Variants in HMSD observed in about 807,000 individuals in gnomAD.
The protein encoded by HMSD is serpin-like protein HMSD.
A neutral mutation model predicts 10.0 loss-of-function variants in HMSD; 13 were observed. The ratio of observed to expected loss-of-function variants is 1.31; its 90% CI spans 0.85 to 2.08. HMSD has a LOEUF of 2.08. Among genes scored for constraint, HMSD ranks in the 30% most tolerant of loss-of-function variants. HMSD has a pLI of 0.00. For missense variants in HMSD, 169 were observed against 166.3 expected (o/e 1.02, Z -0.09); for synonymous variants, 51 against 54.2 (o/e 0.94, Z 0.26).
Position 63,954,576 on chromosome 18 carries a change from T to C in HMSD, c.222+19T>C, listed in dbSNP as rs1418339403. On this transcript the variant is annotated intron_variant, in intron 3 of 3. Coordinates refer to ENST00000408945, the MANE Select transcript of HMSD (RefSeq NM_001123366.2). ...CCTCACAGTAAGTCATACTTGTTTA[T>C]TAGGAAAATAAAGATAGCAATGTGG... The C allele has an allele frequency of 6.3e-7, 1 of 1,597,844 alleles. No homozygotes were observed. Among genetic ancestry groups the C allele is most frequent in the Non-Finnish European group, 8.6e-7 (1 of 1,168,950 alleles).
At position 63,960,917 on chromosome 18, in the gene HMSD, A is replaced by G. The variant is rs2050382910; in HGVS notation, c.*562A>G. The stretch of plus-strand genomic sequence containing the variant: ...TGGGCTGAGAGAGGAAAGAGGGAGT[A>G]TCAGAGGTTGCCGGGTTTGCTACTC... On this transcript the variant is annotated 3_prime_UTR_variant, in exon 4 of 4. Coordinates refer to ENST00000408945, the MANE Select transcript of HMSD (RefSeq NM_001123366.2). The G allele has an allele frequency of 6.6e-6, 1 of 152,516 alleles. No individual in the cohort carries two copies. 9.4% of individuals were successfully genotyped at this position (152,516 alleles called of 1,614,324 possible).
At chr18:63,954,629 A>T in intron 3 of HMSD, 72 bp downstream of exon 3, 1 of 1,331,156 alleles carries the variant, frequency 7.5e-7, no homozygotes, top group Middle Eastern at 1.9e-4. Flanking sequence ...AATATGGGCT[A>T]TGAATTCCTG....
At chr18:63,966,059 C>G (rs2050408231), downstream of HMSD, among the ~76,000 whole-genome samples, 1 of 152,210 alleles carries the variant, frequency 6.6e-6, no homozygotes. Flanking sequence ...CACTGACTAC[C>G]AGGAGAACAG....
chr18:63,958,898 A>G (rs1284456775), intron 3 of HMSD, among the ~76,000 whole-genome samples: 1 of 152,164 alleles, frequency 6.6e-6, no homozygotes, highest in African/African-American at 2.4e-5. Flanking sequence ...GTTGTTCTAA[A>G]ATGTAGAGGC....
At chr18:63,965,076 C>T (rs1403636024), downstream of HMSD, among the ~76,000 whole-genome samples, 1 of 152,172 alleles carries the variant, frequency 6.6e-6, no homozygotes, top group African/African-American at 2.4e-5. Context: ...GTGAACACTG[C>T]CTGATGTAAC....
chr18:63,953,625 A>C (rs1305663980), intron 2 of HMSD, 98 bp downstream of exon 2: 2 of 953,308 alleles, frequency 2.1e-6, no homozygotes. Context: ...CTCCTTTAAC[A>C]GACAACTCTG....
chr18:63,954,352 A>G, intron 2 of HMSD, 56 bp from the exon 3 acceptor site: 1 of 1,287,768 alleles, frequency 7.8e-7, no homozygotes. Flanking sequence ...TTGTGCCTAT[A>G]TTTTGAAGTC....
downstream of HMSD, chr18:63,966,296 G>A (rs2050409374): frequency 6.6e-6 from 1 of 152,154 alleles, no homozygotes; most frequent in South Asian, 2.1e-4. Context: ...TTTGTCTGGG[G>A]AATGTTAATG....
chr18:63,964,585 G>A (rs1312182514), downstream of HMSD, among the ~76,000 whole-genome samples: 4 of 152,096 alleles, frequency 2.6e-5, no homozygotes, highest in African/African-American at 9.7e-5. Context: ...TTAAGCAACT[G>A]ACATTTCTCA....
At position 63,959,257 on chromosome 18, in the gene HMSD, T is replaced by C. The variant is rs539258079; in HGVS notation, c.223-901T>C. On this transcript the variant is annotated intron_variant, in intron 3 of 3. Coordinates refer to ENST00000408945, the MANE Select transcript of HMSD (RefSeq NM_001123366.2). ...TTTATAAAAAACTTCCACACTGTCT[T>C]CCAAAGTGACTATACAATATTGTAT... Among the ~76,000 whole-genome samples the C allele has an allele frequency of 1.2e-4, 19 of 152,294 alleles. No individual in the cohort carries two copies. The East Asian group carries it at 3.7e-3, about 29-fold the overall frequency.
chr18:63,967,183 G>T lies in HMSD; in HGVS notation n.312+6908G>T, dbSNP rs138619492. The stretch of plus-strand genomic sequence containing the variant: ...GAGACAGTCTCGCTCTGTTGCCCAG[G>T]CTGGAGTGCAGTGGCACAATCTCAA... On this transcript the variant is annotated intron_variant and non_coding_transcript_variant, in intron 3 of 5. Coordinates refer to the HMSD transcript ENST00000481726. Among the ~76,000 whole-genome samples the T allele has an allele frequency of 5.5e-4, 83 of 152,292 alleles. No individual in the cohort carries two copies. In the East Asian group the frequency reaches 0.013, roughly 24 times the overall value.
chr18:63,964,884 T>C (rs79762256), downstream of HMSD, among the ~76,000 whole-genome samples: 892 of 152,322 alleles, frequency 5.9e-3, 10 homozygotes, highest in African/African-American at 0.017. Context: ...GTCTATGACC[T>C]ATGTCTTTTC....
downstream of HMSD, among the ~76,000 whole-genome samples, chr18:63,965,611 C>T (rs1462669001): frequency 6.6e-6 from 1 of 152,220 alleles, no homozygotes; most frequent in African/African-American, 2.4e-5. Flanking sequence ...TTAAGGTCCA[C>T]TGGGTTCTCC....
intron 1 of HMSD, among the ~76,000 whole-genome samples, chr18:63,950,059 T>C (rs1369923457): frequency 1.3e-5 from 2 of 152,200 alleles, no homozygotes; most frequent in Non-Finnish European, 2.9e-5. Flanking sequence ...AAAACCAGTA[T>C]GTGTTAATTG....
At position 63,954,439 on chromosome 18, in the gene HMSD, A is replaced by G. The variant is rs1412655132; in HGVS notation, c.104A>G (p.Asp35Gly). The stretch of plus-strand genomic sequence containing the variant: ...TGTTTTAGTAAAATCGGAGGTGAAG[A>G]TGGAGATATTCATCGAGGTTTTCAG... Reference protein sequence around the residue: ...ALCFSKIGGEDGDIHRGFQSL... With the variant: ...ALCFSKIGGEGGDIHRGFQSL... The change falls in exon 3 of 4, where the codon GAT (aspartate) becomes GGT (glycine). Residue 35 changes from aspartate to glycine, a missense_variant. Coordinates refer to ENST00000408945, the MANE Select transcript of HMSD (RefSeq NM_001123366.2). 6.2e-7 allele frequency: 1 copy of G among 1,610,996 alleles called. No individual in the cohort carries two copies.
chr18:63,960,441 G>T lies in HMSD; in HGVS notation c.*86G>T. ...TGCCAACTCGTAGACCTTTTCTCTA[G>T]CTTTAGCTTTTCCCTTATCAAGTAT... is the stretch of plus-strand genomic sequence containing the variant. On this transcript the variant is annotated 3_prime_UTR_variant, in exon 4 of 4. Coordinates refer to ENST00000408945, the MANE Select transcript of HMSD (RefSeq NM_001123366.2). The T allele has an allele frequency of 6.8e-7, 1 of 1,474,032 alleles. No individual in the cohort carries two copies. The highest frequency in any genetic ancestry group is 8.9e-7 in the Non-Finnish European group (1 of 1,122,550). The allele number at this position is 1,474,032 out of a possible 1,614,324, so 91.3% of individuals were successfully genotyped here.
chr18:63,962,678 C>T (rs1380311261), downstream of HMSD, among the ~76,000 whole-genome samples: 2 of 152,180 alleles, frequency 1.3e-5, no homozygotes, highest in Non-Finnish European at 2.9e-5. Flanking sequence ...CTCTTGCATC[C>T]CTCTTCTCAA....
At chr18:63,957,054 A>G (rs950574283) in intron 3 of HMSD, among the ~76,000 whole-genome samples, 8 of 152,176 alleles carry the variant, frequency 5.3e-5, no homozygotes, top group African/African-American at 1.4e-4. Context: ...AAGGAATAAC[A>G]GATATGGGGG....
chr18:63,965,093 A>C (rs1392984312), downstream of HMSD, among the ~76,000 whole-genome samples: 1 of 152,240 alleles, frequency 6.6e-6, no homozygotes, highest in Non-Finnish European at 1.5e-5. Flanking sequence ...TAACTGAATA[A>C]GCATCTCTCC....
Sources: allele counts gnomAD v4.1 joint callset (sites outside exome capture counted in the v4.1 genomes callset), GRCh38; gene constraint gnomAD v4.1.1; transcripts MANE v1.5; gene names NCBI Gene and HGNC (gene_info 2026-07-23, HGNC 2026-07-21).